The following NCS1 variants were observed in gnomAD, a reference collection of about 807,000 sequenced individuals.
NCS1 encodes the protein neuronal calcium sensor 1.
Under a neutral mutation model 28.4 loss-of-function variants are expected in NCS1, and 6 were observed. The ratio of observed to expected loss-of-function variants is 0.21; its 90% confidence interval spans 0.12 to 0.42. The LOEUF is 0.42. Among genes scored for constraint, NCS1 ranks in the 10% least tolerant of loss-of-function variants. The pLI is 1.00. For missense variants in NCS1, 131 were observed against 241.4 expected (o/e 0.54, Z 3.03); for synonymous variants, 86 against 99.3 (o/e 0.87, Z 0.79).
rs1833420647 is a variant in NCS1 at position 130,226,647 on chromosome 9, G to A, written c.*17+143G>A. 3.2e-6 allele frequency: 2 copies of A among 622,240 alleles called. No homozygotes were observed. The highest frequency in any genetic ancestry group is 5.6e-5 in the East Asian group (2 of 35,860). 38.5% of individuals were successfully genotyped at this position (622,240 alleles called of 1,614,324 possible). A position where few individuals can be genotyped will look rare whatever the true frequency, so the allele number is the denominator to read the frequency against. The stretch of plus-strand genomic sequence containing the variant: ...CCTAGCAGGGACATAGCTGGGAGGA[G>A]GAGGCTGGAAGGGGGGCCTTCAAAT... On this transcript the variant is annotated intron_variant, in intron 7 of 7. Coordinates refer to ENST00000372398, the MANE Select transcript of NCS1 (RefSeq NM_014286.4). This position sits in a 1 kb window ranked among gnomAD's most constrained non-coding sequence, Gnocchi z 4.8.
Position 130,193,503 on chromosome 9 carries a change from C to T in NCS1, c.65-7455C>T, listed in dbSNP as rs573631423. 1.4e-4 allele frequency among the ~76,000 whole-genome samples: 22 copies of T among 152,168 alleles called. 1 individual carries two copies. The highest frequency in any genetic ancestry group is 5.3e-4 in the African/African-American group (22 of 41,500). On this transcript the variant is annotated intron_variant, in intron 1 of 7. Coordinates refer to ENST00000372398, the MANE Select transcript of NCS1 (RefSeq NM_014286.4). ...AGCCAGGTTGGATGGGACTTGTCTG[C>T]AGTTGGTGCAGGACTGCCTGTAGGG...
At chr9:130,204,793 A>G (rs1554907867) in intron 2 of NCS1, among the ~76,000 whole-genome samples, 1 of 152,206 alleles carries the variant, frequency 6.6e-6, no homozygotes, top group African/African-American at 2.4e-5. Flanking sequence ...TGGTGTCAGT[A>G]ACCGTAGTAA....
chr9:130,221,413 T>TAGAGAGAGAGAGAGAGAG (rs782666520), intron 4 of NCS1, among the ~76,000 whole-genome samples: 2 of 57,738 alleles, frequency 3.5e-5, no homozygotes, highest in Non-Finnish European at 6.0e-5. Context: ...TATATATATA[T>TAGAGAGAGAGAGAGAGAG]AGAGAGAGAG....
At chr9:130,201,480 G>A (rs1442269580) in intron 2 of NCS1, among the ~76,000 whole-genome samples, 1 of 152,160 alleles carries the variant, frequency 6.6e-6, no homozygotes, top group Non-Finnish European at 1.5e-5. Context: ...ACGTCATGGA[G>A]CAAATGGAAA....
At chr9:130,199,875 C>G (rs1438489449) in intron 1 of NCS1, among the ~76,000 whole-genome samples, 3 of 150,588 alleles carry the variant, frequency 2.0e-5, no homozygotes, top group African/African-American at 7.3e-5. Context: ...CCACCTGACA[C>G]CCCTTTCCTG....
chr9:130,219,649 C>T lies in NCS1; in HGVS notation c.229-76C>T, dbSNP rs374142229. 3.5e-5 allele frequency: 48 copies of T among 1,390,534 alleles called. No homozygotes were observed. The highest frequency in any genetic ancestry group is 1.6e-4 in the East Asian group (7 of 43,314). 86.1% of individuals were successfully genotyped at this position (1,390,534 alleles called of 1,614,324 possible). On this transcript the variant is annotated intron_variant, in intron 3 of 7. Coordinates refer to ENST00000372398, the MANE Select transcript of NCS1 (RefSeq NM_014286.4). This position sits in a 1 kb window ranked among gnomAD's most constrained non-coding sequence, Gnocchi z 5.7. ...GTGTCTGGAGCCTGCGACTGCCCCTCGCCCGTCCCGAGGTTCAGCCTGACC... is the reference window on the plus strand; with the variant it reads ...GTGTCTGGAGCCTGCGACTGCCCCTTGCCCGTCCCGAGGTTCAGCCTGACC...
chr9:130,196,486 C>G (rs1832879717), intron 1 of NCS1, among the ~76,000 whole-genome samples: 1 of 152,212 alleles, frequency 6.6e-6, no homozygotes, highest in Non-Finnish European at 1.5e-5. Context: ...CGCCTGTAAC[C>G]CCAGCACTTT....
intron 1 of NCS1, among the ~76,000 whole-genome samples, chr9:130,185,243 G>A (rs903658623): frequency 1.3e-5 from 2 of 152,240 alleles, no homozygotes; most frequent in African/African-American, 2.4e-5. Flanking sequence ...GCATCTTATT[G>A]CATGACTGCG....
Position 130,226,610 on chromosome 9 carries a change from T to C in NCS1, c.*17+106T>C, listed in dbSNP as rs1253221482. 3 of 841,448 alleles carry C rather than the reference T, an allele frequency of 3.6e-6. No individual in the cohort carries two copies. In the African/African-American group the frequency reaches 5.1e-5, roughly 14 times the overall value. 52.1% of individuals were successfully genotyped at this position (841,448 alleles called of 1,614,324 possible). On this transcript the variant is annotated intron_variant, in intron 7 of 7. Transcript: ENST00000372398. This position sits in a 1 kb window ranked among gnomAD's most constrained non-coding sequence, Gnocchi z 4.8. Reference sequence around the variant, plus strand: ...AGGTAATTACCTGGGTCTCTGGGGGTGTTGTGGTCAGCCTAGCAGGGACAT... The same window carrying C: ...AGGTAATTACCTGGGTCTCTGGGGGCGTTGTGGTCAGCCTAGCAGGGACAT...
intron 4 of NCS1, among the ~76,000 whole-genome samples, chr9:130,220,580 G>T (rs1554910111): frequency 6.6e-6 from 1 of 152,012 alleles, no homozygotes; most frequent in Non-Finnish European, 1.5e-5. Flanking sequence ...CTGAGAGGGA[G>T]TTGGGAGGGG....
At chr9:130,202,616 G>A (rs1486907872) in intron 2 of NCS1, among the ~76,000 whole-genome samples, 1 of 144,358 alleles carries the variant, frequency 6.9e-6, no homozygotes, top group Non-Finnish European at 1.5e-5. Flanking sequence ...CTCTCGCTCT[G>A]CCACCCAGGC....
chr9:130,204,778 T>C (rs1277359819), intron 2 of NCS1, among the ~76,000 whole-genome samples: 1 of 152,208 alleles, frequency 6.6e-6, no homozygotes, highest in Non-Finnish European at 1.5e-5. Flanking sequence ...AAACATTTTC[T>C]CTGCTGGTGT....
intron 4 of NCS1, among the ~76,000 whole-genome samples, chr9:130,221,377 CATATATATATATATAT>C (rs370084084): frequency 0.043 from 3,592 of 84,460 alleles, 115 homozygotes; most frequent in Middle Eastern, 0.066. Flanking sequence ...TATAAAATAT[CATATATATATATATAT>C]ATATATATAT....
intron 1 of NCS1, among the ~76,000 whole-genome samples, chr9:130,188,535 C>G (rs1265783256): frequency 1.3e-5 from 2 of 148,962 alleles, no homozygotes; most frequent in African/African-American, 5.0e-5. Flanking sequence ...CCTCAGCCTC[C>G]CGAGTAGCTG....
intron 7 of NCS1, among the ~76,000 whole-genome samples, chr9:130,231,878 A>G (rs1396042101): frequency 1.4e-5 from 2 of 140,328 alleles, no homozygotes; most frequent in African/African-American, 2.6e-5. Context: ...ATTTTCCATG[A>G]AAAAAAAAAA....
chr9:130,211,281 T>G (rs1465859348), intron 2 of NCS1, among the ~76,000 whole-genome samples: 1 of 151,720 alleles, frequency 6.6e-6, no homozygotes, highest in African/African-American at 2.4e-5. Context: ...CATGAAGCAC[T>G]TATCTGAAAT....
intron 2 of NCS1, among the ~76,000 whole-genome samples, chr9:130,212,608 G>A (rs28561828): frequency 0.013 from 2,042 of 151,538 alleles, 37 homozygotes; most frequent in African/African-American, 0.046. Flanking sequence ...CAGGGGCACA[G>A]GCCCGTGTCC....
chr9:130,206,305 C>T (rs375185980), intron 2 of NCS1, among the ~76,000 whole-genome samples: 32 of 152,162 alleles, frequency 2.1e-4, no homozygotes, highest in African/African-American at 7.2e-4. Context: ...ATGAGGTGAG[C>T]ACCTGCATCC....
Position 130,236,828 on chromosome 9 carries a change from C to A in NCS1, c.*3856C>A, listed in dbSNP as rs1347324148. The A allele has an allele frequency of 6.6e-6, 1 of 152,140 alleles. No homozygotes were observed. Among genetic ancestry groups the A allele is most frequent in the Non-Finnish European group, 1.5e-5 (1 of 68,052 alleles). The allele number at this position is 152,140 out of a possible 1,614,324, so 9.4% of individuals were successfully genotyped here. The stretch of plus-strand genomic sequence containing the variant: ...GGCTGGCTTCCTTCAGGACTTTGCG[C>A]AAGTCAGTTCTGCTCATTGGGTCTC... On this transcript the variant is annotated 3_prime_UTR_variant, in exon 8 of 8. Transcript: ENST00000372398.
Sources: allele counts gnomAD v4.1 joint callset (sites outside exome capture counted in the v4.1 genomes callset), GRCh38; gene constraint gnomAD v4.1.1; non-coding constraint Gnocchi (gnomAD v3.1); transcripts MANE v1.5; gene names NCBI Gene and HGNC (gene_info 2026-07-23, HGNC 2026-07-21).